The following NPSR1 variants were observed in gnomAD, a reference collection of about 807,000 sequenced individuals.
The protein encoded by NPSR1 is neuropeptide S receptor 1.
In NPSR1, 48 loss-of-function variants were observed where a neutral mutation model predicts 46.9. That is an observed-to-expected ratio of 1.02 (90% CI 0.81 to 1.30). NPSR1 has a LOEUF of 1.30. Ranked by LOEUF, NPSR1 falls within the 50% of genes most tolerant of loss-of-function variation. NPSR1 has a pLI of 0.00. For missense variants in NPSR1, 450 were observed against 449.5 expected (o/e 1.00, Z -0.01); for synonymous variants, 176 against 168.1 (o/e 1.05, Z -0.36).
At chr7:34,664,620 A>ATTTT (rs201440598) in intron 1 of NPSR1, among the ~76,000 whole-genome samples, 71 of 149,338 alleles carry the variant, frequency 4.8e-4, no homozygotes, top group Admixed American at 7.9e-4. Flanking sequence ...TTTTTTTAAA[A>ATTTT]AAAAAAAATG....
At chr7:34,836,750 G>A (rs1790389694) in intron 6 of NPSR1, among the ~76,000 whole-genome samples, 1 of 149,992 alleles carries the variant, frequency 6.7e-6, no homozygotes, top group Admixed American at 6.7e-5. Flanking sequence ...TAGAAGAAGA[G>A]AGGCGGGGGG....
intron 3 of NPSR1, among the ~76,000 whole-genome samples, chr7:34,811,228 G>A (rs1788971219): frequency 6.6e-6 from 1 of 152,174 alleles, no homozygotes; most frequent in Non-Finnish European, 1.5e-5. Flanking sequence ...GTTTTATTGA[G>A]TGGTGGAGGT....
chr7:34,839,012 GA>G (rs1352699714), intron 6 of NPSR1, among the ~76,000 whole-genome samples: 1 of 152,072 alleles, frequency 6.6e-6, no homozygotes, highest in East Asian at 1.9e-4. Flanking sequence ...CTAGAGTGAA[GA>G]AAAAAAGCTA....
intron 1 of NPSR1, among the ~76,000 whole-genome samples, chr7:34,683,323 T>A (rs2128683337): frequency 6.6e-6 from 1 of 151,882 alleles, no homozygotes; most frequent in African/African-American, 2.4e-5. Flanking sequence ...GGTGGGTGCC[T>A]GTAGTCCCAG....
chr7:34,849,927 T>G lies in NPSR1; in HGVS notation c.*272T>G. ...CCCACTGGCCAGCACCTGAACCCAG[T>G]GAACACAGGCATTAGTGGTCCAGGG... On this transcript the variant is annotated 3_prime_UTR_variant, in exon 9 of 9. Coordinates refer to ENST00000360581, the MANE Select transcript of NPSR1 (RefSeq NM_207172.2). 1 of 1,221,426 alleles carries G rather than the reference T, an allele frequency of 8.2e-7. No individual in the cohort carries two copies. The highest frequency in any genetic ancestry group is 3.9e-5 in the Admixed American group (1 of 25,770). The allele number at this position is 1,221,426 out of a possible 1,614,324, so 75.7% of individuals were successfully genotyped here.
intron 2 of NPSR1, among the ~76,000 whole-genome samples, chr7:34,764,087 T>C (rs1193435831): frequency 6.6e-6 from 1 of 152,146 alleles, no homozygotes. Flanking sequence ...AAAAGATAAA[T>C]TGTGAGTGTA....
At chr7:34,825,192 C>T (rs1287305612) in intron 4 of NPSR1, among the ~76,000 whole-genome samples, 1 of 152,220 alleles carries the variant, frequency 6.6e-6, no homozygotes, top group African/African-American at 2.4e-5. Flanking sequence ...ATTGCATACG[C>T]ATGCCCTCTC....
At chr7:34,874,291 G>T (rs1791528408) in intron 8 of NPSR1, among the ~76,000 whole-genome samples, 1 of 152,202 alleles carries the variant, frequency 6.6e-6, no homozygotes. Context: ...AATATTGCCT[G>T]TCAGGATCTT....
At chr7:34,830,339 A>G (rs17170013) in intron 5 of NPSR1, among the ~76,000 whole-genome samples, 8,870 of 152,262 alleles carry the variant, frequency 0.058, 483 homozygotes, top group African/African-American at 0.15. Context: ...TATATATGCT[A>G]CATTTACCAA....
chr7:34,664,694 A>G (rs964667953), intron 1 of NPSR1, among the ~76,000 whole-genome samples: 5 of 152,110 alleles, frequency 3.3e-5, no homozygotes, highest in Non-Finnish European at 7.4e-5. Context: ...TTACTTTGTC[A>G]TCCTGATATT....
At chr7:34,670,870 T>C (rs1273957655) in intron 1 of NPSR1, among the ~76,000 whole-genome samples, 1 of 152,078 alleles carries the variant, frequency 6.6e-6, no homozygotes, top group Non-Finnish European at 1.5e-5. Context: ...AGAACAGTTC[T>C]GTAAAACTGT....
At chr7:34,866,923 A>C (rs1015154271) in intron 8 of NPSR1, among the ~76,000 whole-genome samples, 1 of 151,726 alleles carries the variant, frequency 6.6e-6, no homozygotes, top group Non-Finnish European at 1.5e-5. Context: ...AAATAATAAT[A>C]ATAAAAGATA....
intron 2 of NPSR1, chr7:34,751,102 G>T: frequency 1.2e-6 from 1 of 809,804 alleles, no homozygotes; most frequent in Non-Finnish European, 2.2e-6. Flanking sequence ...TTGAGGATCA[G>T]GTGGAGTCAT....
chr7:34,692,845 T>C (rs958803079), intron 2 of NPSR1, among the ~76,000 whole-genome samples: 1 of 152,162 alleles, frequency 6.6e-6, no homozygotes, highest in African/African-American at 2.4e-5. Flanking sequence ...GATGATTCAA[T>C]TAAGTACAAT....
At chr7:34,774,699 A>G (rs1457571142) in intron 2 of NPSR1, among the ~76,000 whole-genome samples, 1 of 152,072 alleles carries the variant, frequency 6.6e-6, no homozygotes, top group Non-Finnish European at 1.5e-5. Context: ...CCCCACTAAC[A>G]CATTCAGCAC....
intron 2 of NPSR1, chr7:34,751,115 C>A: frequency 1.2e-6 from 1 of 835,582 alleles, no homozygotes; most frequent in South Asian, 1.3e-5. Context: ...GGAGTCATCA[C>A]CAGCCCCACT....
At chr7:34,872,927 C>A (rs1791492391) in intron 8 of NPSR1, among the ~76,000 whole-genome samples, 1 of 150,490 alleles carries the variant, frequency 6.6e-6, no homozygotes. Context: ...ATATAAGTTC[C>A]AGTTTCAGGT....
At chr7:34,852,278 C>T (rs1029727827), downstream of NPSR1, among the ~76,000 whole-genome samples, 8 of 150,616 alleles carry the variant, frequency 5.3e-5, no homozygotes, top group Non-Finnish European at 8.9e-5. Context: ...GCGGCCTGGG[C>T]GAGAGAGCGA....
intron 4 of NPSR1, among the ~76,000 whole-genome samples, chr7:34,820,959 G>C (rs1490624965): frequency 6.6e-6 from 1 of 152,018 alleles, no homozygotes. Context: ...TGATGTTAAC[G>C]CTGGAGAGGT....
Sources: gnomAD v4.1 joint callset for allele counts (sites outside exome capture counted in the v4.1 genomes callset) on GRCh38, gnomAD v4.1.1 for gene constraint, MANE v1.5 for transcripts, NCBI Gene and HGNC (gene_info 2026-07-23, HGNC 2026-07-21) for gene names.